Variants in PTPRN2 observed in about 807,000 individuals in gnomAD.
PTPRN2 encodes protein tyrosine phosphatase receptor type N2.
PTPRN2 carries 74 observed loss-of-function variants against 118.8 expected under a neutral mutation model. That is an observed-to-expected ratio of 0.62 (90% CI 0.52 to 0.76). PTPRN2 has a LOEUF of 0.76. PTPRN2 is among the 30% of genes least tolerant of loss of function. The pLI, the probability that PTPRN2 is intolerant of heterozygous loss-of-function variation, is 0.00. For synonymous variants in PTPRN2, 641 were observed against 608.0 expected, an observed-to-expected ratio of 1.05 and a Z score of -0.80; for missense variants, 1,481 against 1,394.4, an observed-to-expected ratio of 1.06 and a Z score of -0.99.
Position 157,676,905 on chromosome 7 carries a change from C to G in PTPRN2, c.2001+5820G>C, listed in dbSNP as rs145478336. On this transcript the variant is annotated intron_variant, in intron 13 of 22. Transcript: ENST00000389418. The surrounding 1 kb of genome is among the most constrained non-coding windows in gnomAD (Gnocchi z 5.6). ...AGAAGGAAGTGTTCTCTGGTTCTGG[C>G]AGAGAAATGTGTGAGGCGGACTGGT... Among the ~76,000 whole-genome samples, 9 of 150,856 alleles carry G rather than the reference C, an allele frequency of 6.0e-5. No individual in the cohort carries two copies. The highest frequency in any genetic ancestry group is 2.2e-4 in the African/African-American group (9 of 41,088).
At chr7:158,466,918 G>A (rs1819436713) in intron 2 of PTPRN2, among the ~76,000 whole-genome samples, 1 of 152,212 alleles carries the variant, frequency 6.6e-6, no homozygotes, top group Admixed American at 6.5e-5. Context: ...GCACATGTCT[G>A]TAATCCCAGC....
At chr7:158,046,815 T>TC (rs1808913545) in intron 11 of PTPRN2, among the ~76,000 whole-genome samples, 1 of 152,136 alleles carries the variant, frequency 6.6e-6, no homozygotes, top group Non-Finnish European at 1.5e-5. Context: ...TCAGCAATAA[T>TC]CCCTCATCTG....
intron 6 of PTPRN2, among the ~76,000 whole-genome samples, chr7:158,163,407 G>A (rs1301224049): frequency 6.6e-6 from 1 of 150,890 alleles, no homozygotes; most frequent in Non-Finnish European, 1.5e-5. Context: ...CCTGCACGGG[G>A]TTCTCAATAT....
At chr7:158,480,854 G>C (rs776541690) in intron 2 of PTPRN2, among the ~76,000 whole-genome samples, 1 of 152,218 alleles carries the variant, frequency 6.6e-6, no homozygotes. Context: ...TCTGAAGCTC[G>C]CAGAGGTTGG....
chr7:157,571,524 T>C, intron 19 of PTPRN2, 31 bp from the exon 20 acceptor site: 9 of 1,542,058 alleles, frequency 5.8e-6, no homozygotes, highest in Non-Finnish European at 8.0e-6. Flanking sequence ...AAAATTATCG[T>C]TGTGTACTAA....
At chr7:157,776,498 C>A (rs1402659763) in intron 12 of PTPRN2, among the ~76,000 whole-genome samples, 1 of 125,138 alleles carries the variant, frequency 8.0e-6, no homozygotes, top group Non-Finnish European at 1.7e-5. Context: ...TCTCCTTCTC[C>A]CTCTCCTCCT....
chr7:158,131,636 C>G (rs972554441), intron 9 of PTPRN2, among the ~76,000 whole-genome samples: 38 of 151,784 alleles, frequency 2.5e-4, no homozygotes, highest in African/African-American at 9.2e-4. Flanking sequence ...CATACACACT[C>G]ATACACACAT....
At chr7:157,812,308 G>T (rs1806101896) in intron 12 of PTPRN2, among the ~76,000 whole-genome samples, 2 of 152,192 alleles carry the variant, frequency 1.3e-5, no homozygotes, top group Admixed American at 6.5e-5. Context: ...GGGAGGAGGG[G>T]TTCCGCTGCC....
intron 13 of PTPRN2, among the ~76,000 whole-genome samples, chr7:157,658,700 AG>A (rs1378867965): frequency 7.2e-5 from 11 of 152,360 alleles, no homozygotes; most frequent in African/African-American, 4.8e-5. Flanking sequence ...CCACTGTGTT[AG>A]GATAGCCCGT....
chr7:158,260,587 C>T (rs1797332523), intron 3 of PTPRN2, among the ~76,000 whole-genome samples: 1 of 151,986 alleles, frequency 6.6e-6, no homozygotes, highest in Non-Finnish European at 1.5e-5. Flanking sequence ...AAAAGCAAAA[C>T]AACCATGACA....
At chr7:157,930,817 A>G (rs1469204319) in intron 11 of PTPRN2, among the ~76,000 whole-genome samples, 1 of 152,054 alleles carries the variant, frequency 6.6e-6, no homozygotes, top group Non-Finnish European at 1.5e-5. Context: ...TGAAATGTAT[A>G]TTTTTATGGA....
intron 2 of PTPRN2, among the ~76,000 whole-genome samples, chr7:158,320,556 G>A (rs545971617): frequency 4.7e-4 from 67 of 143,450 alleles, no homozygotes; most frequent in Non-Finnish European, 7.5e-4. Context: ...CCTCGGCAGC[G>A]CCGGGTGGCG....
chr7:158,153,917 A>G (rs1339046143), intron 6 of PTPRN2, among the ~76,000 whole-genome samples: 1 of 152,012 alleles, frequency 6.6e-6, no homozygotes, highest in Non-Finnish European at 1.5e-5. Flanking sequence ...AGGCAGGTAC[A>G]GCAGGGTCTG....
Position 158,022,477 on chromosome 7 carries a change from C to T in PTPRN2, c.1723+58821G>A, listed in dbSNP as rs189184773. 1.0e-4 allele frequency among the ~76,000 whole-genome samples: 15 copies of T among 148,510 alleles called. No individual in the cohort carries two copies. Among genetic ancestry groups the T allele is most frequent in the Middle Eastern group, 3.6e-3 (1 of 274 alleles). ...GGCACCTGGGCACTCTGGGGCAGCC[C>T]GTAATGTGTTCATAGCCAAGGCCCC... is the stretch of plus-strand genomic sequence containing the variant. On this transcript the variant is annotated intron_variant, in intron 11 of 22. Coordinates refer to ENST00000389418, the MANE Select transcript of PTPRN2 (RefSeq NM_002847.5). This position sits in a 1 kb window ranked among gnomAD's most constrained non-coding sequence, Gnocchi z 4.6.
chr7:158,075,167 C>G (rs1285031104), intron 11 of PTPRN2, among the ~76,000 whole-genome samples: 2 of 152,188 alleles, frequency 1.3e-5, no homozygotes, highest in African/African-American at 2.4e-5. Flanking sequence ...CAGCCCTGAG[C>G]TCCACTCCTG....
At chr7:157,769,134 C>T (rs1214330736) in intron 12 of PTPRN2, among the ~76,000 whole-genome samples, 1 of 152,220 alleles carries the variant, frequency 6.6e-6, no homozygotes, top group African/African-American at 2.4e-5. Context: ...AACGCCTCCA[C>T]CGCGGCCAGC....
At chr7:158,497,703 T>C (rs1408057090) in intron 1 of PTPRN2, among the ~76,000 whole-genome samples, 1 of 152,218 alleles carries the variant, frequency 6.6e-6, no homozygotes, top group Non-Finnish European at 1.5e-5. Context: ...GCATGTTCTC[T>C]GCGCCGCTGC....
chr7:157,765,319 C>T (rs1389778255), intron 12 of PTPRN2, among the ~76,000 whole-genome samples: 1 of 151,308 alleles, frequency 6.6e-6, no homozygotes, highest in Admixed American at 6.6e-5. Flanking sequence ...TTCCTTCATC[C>T]ATCCCTCCAT....
chr7:158,016,215 A>G (rs1484093969), intron 11 of PTPRN2, among the ~76,000 whole-genome samples: 1 of 152,202 alleles, frequency 6.6e-6, no homozygotes, highest in Admixed American at 6.5e-5. Context: ...GAGGATGGGC[A>G]GGGCTCGGGA....
Sources: gnomAD v4.1 joint callset for allele counts (sites outside exome capture counted in the v4.1 genomes callset) on GRCh38, gnomAD v4.1.1 for gene constraint, Gnocchi (gnomAD v3.1) non-coding constraint, MANE v1.5 for transcripts, NCBI Gene and HGNC (gene_info 2026-07-23, HGNC 2026-07-21) for gene names.